STK4: variants seen among roughly 807,000 people sequenced by gnomAD.
The protein encoded by STK4 is serine/threonine kinase 4, also known as serine/threonine-protein kinase 4.
Under a neutral mutation model 64.9 loss-of-function variants are expected in STK4, and 30 were observed. The observed-to-expected ratio is 0.46, with a 90% CI of 0.35 to 0.63. STK4 has a LOEUF of 0.63. STK4 is among the 20% of genes least tolerant of loss of function. The pLI is 0.01. For missense variants in STK4, 466 were observed against 598.5 expected (o/e 0.78, Z 2.31); for synonymous variants, 177 against 199.0 (o/e 0.89, Z 0.93).
rs1178806047 is a variant in STK4 at position 45,017,839 on chromosome 20, A to C, written c.1148-7134A>C. ...TTATATATTTCAGTTCACCAGAATT[A>C]AAACAGCTAGAGCACCATTGCCCAG... is the stretch of plus-strand genomic sequence containing the variant. On this transcript the variant is annotated intron_variant, in intron 9 of 10. Coordinates refer to ENST00000372806, the MANE Select transcript of STK4 (RefSeq NM_006282.5). Among the ~76,000 whole-genome samples the C allele has an allele frequency of 3.9e-5, 6 of 152,212 alleles. No homozygotes were observed. In the East Asian group the frequency reaches 1.2e-3, roughly 29 times the overall value.
intron 7 of STK4, among the ~76,000 whole-genome samples, chr20:44,998,352 T>C (rs927327238): frequency 6.6e-6 from 1 of 152,194 alleles, no homozygotes; most frequent in Non-Finnish European, 1.5e-5. Context: ...GAAATGGGGA[T>C]ACAGTACCTG....
chr20:45,006,569 T>G (rs6103958), intron 9 of STK4, among the ~76,000 whole-genome samples: 9,359 of 152,180 alleles, frequency 0.061, 954 homozygotes, highest in African/African-American at 0.21. Flanking sequence ...TAAATTTTGT[T>G]TTTGAGCTTA....
chr20:45,000,655 C>A, intron 8 of STK4, 135 bp downstream of exon 8: 1 of 1,299,842 alleles, frequency 7.7e-7, no homozygotes, highest in Non-Finnish European at 1.1e-6. Context: ...ATGTCCTAAC[C>A]TGGATCAACG....
At chr20:45,045,703 A>G (rs2068682767) in intron 10 of STK4, among the ~76,000 whole-genome samples, 1 of 152,050 alleles carries the variant, frequency 6.6e-6, no homozygotes, top group Non-Finnish European at 1.5e-5. Flanking sequence ...TTCTTATTGG[A>G]GCAATTTAAT....
chr20:45,000,439 A>G lies in STK4; in HGVS notation c.879A>G (p.Leu293=), dbSNP rs377009560. 1.2e-6 allele frequency: 2 copies of G among 1,613,978 alleles called. No homozygotes were observed. The highest frequency in any genetic ancestry group is 2.2e-5 in the South Asian group (2 of 91,090). ...SAKGVSILRD[L]INEAMDVKLK... ...AAGGAGTGTCAATACTGCGAGACTT[A>G]ATTAATGAAGCCATGGATGTGAAAC... The change falls in exon 8 of 11, where the codon TTA becomes TTG. Residue 293 remains leucine (L), a synonymous_variant. Coordinates refer to ENST00000372806, the MANE Select transcript of STK4 (RefSeq NM_006282.5).
At chr20:44,995,605 C>CAAAAA (rs60140206) in intron 6 of STK4, among the ~76,000 whole-genome samples, 1 of 54,544 alleles carries the variant, frequency 1.8e-5, no homozygotes, top group African/African-American at 6.8e-5. Context: ...GACTCCATCT[C>CAAAAA]AAAAAAAAAA....
intron 10 of STK4, among the ~76,000 whole-genome samples, chr20:45,037,654 C>T (rs866766959): frequency 1.3e-5 from 2 of 152,156 alleles, no homozygotes; most frequent in Middle Eastern, 6.8e-3. Flanking sequence ...TGAGTTTTTC[C>T]CAGGAGGCCG....
intron 1 of STK4, 43 bp from the exon 2 acceptor site, chr20:44,972,035 A>G (rs2067256996): frequency 6.4e-7 from 1 of 1,571,166 alleles, no homozygotes; most frequent in Non-Finnish European, 8.7e-7. Flanking sequence ...TCTAGTTCCT[A>G]GCAAATAAAA....
chr20:44,985,218 C>T (rs1027062638), intron 4 of STK4, among the ~76,000 whole-genome samples: 6 of 152,178 alleles, frequency 3.9e-5, no homozygotes, highest in Non-Finnish European at 8.8e-5. Context: ...TCTGTGCCCT[C>T]AGCTTCATTA....
rs560410411 is a variant in STK4, at chr20:44,999,982, C to T, written c.832-410C>T. 6.6e-5 allele frequency among the ~76,000 whole-genome samples: 10 copies of T among 152,316 alleles called. No homozygotes were observed. The South Asian group carries it at 1.9e-3, about 28-fold the overall frequency. ...CACCCTGAGACATTTGAAAAATGTGCAGAATCTGCCACAGTTCATGGTCGT... is the reference window on the plus strand; with the variant it reads ...CACCCTGAGACATTTGAAAAATGTGTAGAATCTGCCACAGTTCATGGTCGT... On this transcript the variant is annotated intron_variant, in intron 7 of 10. Transcript: ENST00000372806.
intron 2 of STK4, among the ~76,000 whole-genome samples, chr20:44,975,972 G>A (rs1381913061): frequency 1.3e-5 from 2 of 152,030 alleles, no homozygotes; most frequent in Non-Finnish European, 2.9e-5. Flanking sequence ...TCACACTGAA[G>A]GAAAAAGAAA....
chr20:45,010,118 G>C (rs1283100146), intron 9 of STK4, among the ~76,000 whole-genome samples: 2 of 152,012 alleles, frequency 1.3e-5, no homozygotes, highest in East Asian at 1.9e-4. Context: ...GCCCAGGCTG[G>C]AGTGCAGTGG....
At chr20:44,991,327 A>G (rs2067629999) in intron 5 of STK4, among the ~76,000 whole-genome samples, 1 of 152,204 alleles carries the variant, frequency 6.6e-6, no homozygotes, top group South Asian at 2.1e-4. Context: ...ACATTCTTGC[A>G]ACTAAATTTT....
intron 10 of STK4, among the ~76,000 whole-genome samples, chr20:45,066,766 A>C (rs1002350125): frequency 1.3e-5 from 2 of 152,234 alleles, no homozygotes; most frequent in African/African-American, 4.8e-5. Context: ...AGAATTAGGA[A>C]GACTTTATAG....
At chr20:45,027,642 C>T (rs910797743) in intron 10 of STK4, among the ~76,000 whole-genome samples, 3 of 152,016 alleles carry the variant, frequency 2.0e-5, no homozygotes, top group Non-Finnish European at 4.4e-5. Flanking sequence ...AATCTTCAGC[C>T]GTTTTGAAGT....
chr20:45,041,174 TTTATAA>T (rs1309766254), intron 10 of STK4, among the ~76,000 whole-genome samples: 1 of 152,240 alleles, frequency 6.6e-6, no homozygotes, highest in Non-Finnish European at 1.5e-5. Flanking sequence ...ATTGTTTTGC[TTTATAA>T]TTATATAAAC....
intron 7 of STK4, 48 bp downstream of exon 7, chr20:44,997,354 T>C (rs2067752959): frequency 6.5e-7 from 1 of 1,541,570 alleles, no homozygotes; most frequent in East Asian, 2.3e-5. Flanking sequence ...ATTTACTTGC[T>C]GACCAAAAGA....
At chr20:45,027,510 T>A (rs1016247666) in intron 10 of STK4, among the ~76,000 whole-genome samples, 2 of 152,156 alleles carry the variant, frequency 1.3e-5, no homozygotes, top group Non-Finnish European at 2.9e-5. Context: ...AAAAATATTG[T>A]TTATGATATT....
Position 45,075,203 on chromosome 20 carries a change from C to T in STK4, c.*27C>T, listed in dbSNP as rs745517222. On this transcript the variant is annotated 3_prime_UTR_variant, in exon 11 of 11. Coordinates refer to ENST00000372806, the MANE Select transcript of STK4 (RefSeq NM_006282.5). ...CAAGGCCAGGCTGTGAGGGCCCCAG[C>T]TCCACCCAGGCTTTGGGTGAATTCT... The T allele has an allele frequency of 3.7e-6, 6 of 1,609,744 alleles. No individual in the cohort carries two copies. Among genetic ancestry groups the T allele is most frequent in the Non-Finnish European group, 5.1e-6 (6 of 1,179,062 alleles).
Sources: allele counts gnomAD v4.1 joint callset (sites outside exome capture counted in the v4.1 genomes callset), GRCh38; gene constraint gnomAD v4.1.1; transcripts MANE v1.5; gene names NCBI Gene and HGNC (gene_info 2026-07-23, HGNC 2026-07-21).